MBD2: variants seen among roughly 807,000 people sequenced by gnomAD.
MBD2 encodes methyl-CpG-binding domain protein 2.
Under a neutral mutation model 39.3 loss-of-function variants are expected in MBD2, and 9 were observed. The ratio of observed to expected loss-of-function variants is 0.23; its 90% CI spans 0.14 to 0.40. The LOEUF (loss-of-function observed/expected upper bound fraction) is 0.40. MBD2 is among the 10% of genes least tolerant of loss of function. MBD2 has a pLI of 1.00. For synonymous variants in MBD2, 233 were observed against 211.1 expected (o/e 1.10, Z -0.90); for missense variants, 458 against 532.6 (o/e 0.86, Z 1.38).
chr18:54,158,579 G>A (rs992871372), intron 6 of MBD2, among the ~76,000 whole-genome samples: 2 of 152,166 alleles, frequency 1.3e-5, no homozygotes, highest in African/African-American at 4.8e-5. Flanking sequence ...ATGGCACAGA[G>A]CCATGAGCCT....
At position 54,154,768 on chromosome 18, in the gene MBD2, G is replaced by A. The variant is rs2086041399; in HGVS notation, c.*556C>T. 6.6e-6 allele frequency: 1 copy of A among 152,648 alleles called. No individual in the cohort carries two copies. The highest frequency in any genetic ancestry group is 2.1e-4 in the South Asian group (1 of 4,828). The allele number at this position is 152,648 out of a possible 1,614,324, so 9.5% of individuals were successfully genotyped here. On this transcript the variant is annotated 3_prime_UTR_variant, in exon 7 of 7. Transcript: ENST00000256429. The stretch of plus-strand genomic sequence containing the variant: ...TAAGGCCCAGGGATCAGAGTTGAAT[G>A]TAAATCAGAGGAAGGCTAACGAGGG...
chr18:54,204,419 A>G (rs2086433096), intron 2 of MBD2, among the ~76,000 whole-genome samples: 1 of 152,220 alleles, frequency 6.6e-6, no homozygotes, highest in Non-Finnish European at 1.5e-5. Context: ...GATATTTTTC[A>G]GATTTGGAAT....
chr18:54,222,382 C>T (rs749286043), intron 1 of MBD2: 3 of 518,256 alleles, frequency 5.8e-6, no homozygotes, highest in Non-Finnish European at 1.2e-5. Context: ...CCTGGCCCCA[C>T]AGCCTGAGGG....
rs867956040 is a variant in MBD2, at chr18:54,172,424, C to T, written c.841-6258G>A. ...AGCGACACTAACGATGGTATGGGAGCAAGTATTTCAAAAAATGGAAAAAGA... is the reference window on the plus strand; with the variant it reads ...AGCGACACTAACGATGGTATGGGAGTAAGTATTTCAAAAAATGGAAAAAGA... On this transcript the variant is annotated intron_variant, in intron 3 of 6. Transcript: ENST00000256429. 9.9e-5 allele frequency among the ~76,000 whole-genome samples: 15 copies of T among 152,180 alleles called. No individual in the cohort carries two copies. The South Asian group carries it at 1.2e-3, about 13-fold the overall frequency.
In MBD2 at chr18:54,224,185, C is replaced by A. The variant is rs1380210498; in HGVS notation, c.375G>T (p.Glu125Asp). The A allele has an allele frequency of 7.2e-5, 90 of 1,245,628 alleles. No individual in the cohort carries two copies. Among genetic ancestry groups the A allele is most frequent in the Non-Finnish European group, 8.4e-5 (84 of 995,948 alleles). 77.2% of individuals were successfully genotyped at this position (1,245,628 alleles called of 1,614,324 possible). A position where few individuals can be genotyped will look rare whatever the true frequency, so the allele number is the denominator to read the frequency against. Residue 125 changes from glutamate to aspartate, a missense_variant, in exon 1 of 7, where the codon GAG becomes GAT. This residue lies in a region of MBD2 where 269 missense variants were observed against 236.0 expected (regional missense o/e 1.14). Transcript: ENST00000256429. ...GSGGGGAPRR[E>D]PVPFPSGSAG... ...CGCTCCCCGACGGGAAAGGGACCGG[C>A]TCCCGCCGGGGGGCGCCGCCGCCAC...
chr18:54,172,657 C>T (rs1378067011), intron 3 of MBD2, among the ~76,000 whole-genome samples: 2 of 151,974 alleles, frequency 1.3e-5, no homozygotes, highest in East Asian at 3.9e-4. Context: ...ATTCACTAGA[C>T]AAAATGAAAC....
In MBD2 at chr18:54,224,222, C is replaced by T; in HGVS notation, c.338G>A (p.Gly113Asp). 9.5e-7 allele frequency: 1 copy of T among 1,053,508 alleles called. No homozygotes were observed. The highest frequency in any genetic ancestry group is 1.1e-6 in the Non-Finnish European group (1 of 875,418). 65.3% of individuals were successfully genotyped at this position (1,053,508 alleles called of 1,614,324 possible). A position where few individuals can be genotyped will look rare whatever the true frequency, so the allele number is the denominator to read the frequency against. Reference sequence around the variant, plus strand: ...GGCGCCGCCGCCACCGCTGCCGCCGCCGCCGCAGCCGCCGCCGTCGCCGCC... The same window carrying T: ...GGCGCCGCCGCCACCGCTGCCGCCGTCGCCGCAGCCGCCGCCGTCGCCGCC... Reference protein sequence around the residue: ...GLGGDGGGCGGGGSGGGGAPR... With the variant: ...GLGGDGGGCGDGGSGGGGAPR... Residue 113 changes from glycine (G) to aspartate (D), a missense_variant, in exon 1 of 7, where the codon GGC (glycine) becomes GAC (aspartate). Coordinates refer to ENST00000256429, the MANE Select transcript of MBD2 (RefSeq NM_003927.5).
intron 5 of MBD2, among the ~76,000 whole-genome samples, chr18:54,164,261 T>A (rs1386356438): frequency 6.6e-6 from 1 of 152,222 alleles, no homozygotes; most frequent in South Asian, 2.1e-4. Flanking sequence ...TTAGGGAATA[T>A]AACTGATCTG....
chr18:54,214,003 C>CTTTTT (rs529774043), intron 1 of MBD2, among the ~76,000 whole-genome samples: 1 of 129,298 alleles, frequency 7.7e-6, no homozygotes, highest in African/African-American at 2.8e-5. Context: ...TTCTTTCTTT[C>CTTTTT]TTTTTTTTTT....
At chr18:54,163,613 T>C (rs1371102269) in intron 5 of MBD2, among the ~76,000 whole-genome samples, 1 of 152,140 alleles carries the variant, frequency 6.6e-6, no homozygotes, top group Non-Finnish European at 1.5e-5. Flanking sequence ...GTTTTCCTTT[T>C]ACCATTTGCT....
At chr18:54,205,284 A>AC in intron 1 of MBD2, 127 bp from the exon 2 acceptor site, 3 of 926,006 alleles carry the variant, frequency 3.2e-6, no homozygotes, top group Non-Finnish European at 4.7e-6. Context: ...AGAAATGTTA[A>AC]AGTTTTGCTA....
Position 54,165,391 on chromosome 18 carries a change from C to T in MBD2, c.931+685G>A, listed in dbSNP as rs901426599. ...CCTAAACCTGTTTAACTAGTTAAGG[C>T]CAACATTTCCAAGAACATAAAGGGA... On this transcript the variant is annotated intron_variant, in intron 4 of 6. Transcript: ENST00000256429. Among the ~76,000 whole-genome samples, 18 of 152,266 alleles carry T rather than the reference C, an allele frequency of 1.2e-4. 1 individual carries two copies. Among genetic ancestry groups the T allele is most frequent in the South Asian group, 4.1e-4 (2 of 4,824 alleles).
At chr18:54,217,611 C>A (rs1380409796) in intron 1 of MBD2, among the ~76,000 whole-genome samples, 7 of 152,078 alleles carry the variant, frequency 4.6e-5, no homozygotes, top group Admixed American at 3.3e-4. Flanking sequence ...TTTCTATGAG[C>A]CCCACTATAG....
chr18:54,180,968 C>T (rs1232372750), intron 3 of MBD2, among the ~76,000 whole-genome samples: 1 of 140,660 alleles, frequency 7.1e-6, no homozygotes, highest in Non-Finnish European at 1.5e-5. Context: ...CTGATCTCGG[C>T]TCACTGCAAC....
rs575768872 is a variant in MBD2 at position 54,207,208 on chromosome 18, A to G, written c.543-2051T>C. On this transcript the variant is annotated intron_variant, in intron 1 of 6. Transcript: ENST00000256429. ...TGGTAGCCTACATTCCAAACTCTAA[A>G]TCACCAAAATATGCCATATACCTTT... is the stretch of plus-strand genomic sequence containing the variant. 6.4e-4 allele frequency among the ~76,000 whole-genome samples: 98 copies of G among 152,240 alleles called. No homozygotes were observed. In the South Asian group the frequency reaches 0.02, roughly 31 times the overall value.
Position 54,205,153 on chromosome 18 carries a change from T to C in MBD2, c.547A>G (p.Ser183Gly). The stretch of plus-strand genomic sequence containing the variant: ...GGCTTGCTTCTGAACTTCTTACCAC[T>C]TGGACTAGAAGAAAGTAAGGTTAAT... The part of the protein sequence containing the change: ...GKSDVYYFSP[S>G]GKKFRSKPQL... Residue 183 changes from serine (S) to glycine (G), a missense_variant, in exon 2 of 7, where the codon AGT becomes GGT. Ser to Gly is a moderately conservative substitution (Grantham distance 56). This residue lies in a region of MBD2 where 189 missense variants were observed against 296.6 expected (regional missense o/e 0.64). Transcript: ENST00000256429. The C allele has an allele frequency of 6.2e-7, 1 of 1,612,594 alleles. No homozygotes were observed. Among genetic ancestry groups the C allele is most frequent in the Non-Finnish European group, 8.5e-7 (1 of 1,179,482 alleles).
intron 3 of MBD2, among the ~76,000 whole-genome samples, chr18:54,182,000 A>C (rs1309101202): frequency 6.6e-6 from 1 of 152,000 alleles, no homozygotes. Flanking sequence ...TTTTCATTGC[A>C]CTTAACACAA....
intron 1 of MBD2, among the ~76,000 whole-genome samples, chr18:54,207,359 A>C (rs1324275515): frequency 3.3e-5 from 5 of 152,206 alleles, no homozygotes; most frequent in African/African-American, 1.2e-4. Context: ...GTCTTCTGGG[A>C]TTCTTCAATT....
At chr18:54,179,698 T>C (rs986430902) in intron 3 of MBD2, among the ~76,000 whole-genome samples, 1 of 152,172 alleles carries the variant, frequency 6.6e-6, no homozygotes, top group Non-Finnish European at 1.5e-5. Flanking sequence ...ATAAGAAATA[T>C]TCTTAGTAAA....
Sources: allele counts gnomAD v4.1 joint callset (sites outside exome capture counted in the v4.1 genomes callset), GRCh38; gene constraint gnomAD v4.1.1; regional missense constraint gnomAD v4.1.1; transcripts MANE v1.5; gene names NCBI Gene and HGNC (gene_info 2026-07-23, HGNC 2026-07-21).